Variants in LINGO2 observed in about 807,000 individuals in gnomAD.
LINGO2 encodes the protein leucine rich repeat and Ig domain containing 2, also known as leucine-rich repeat and immunoglobulin-like domain-containing nogo receptor-interacting protein 2.
A neutral mutation model predicts 30.6 loss-of-function variants in LINGO2; 14 were observed. That is an observed-to-expected ratio of 0.46 (90% confidence interval 0.30 to 0.72). The LOEUF (loss-of-function observed/expected upper bound fraction) is 0.72. Ranked by LOEUF, LINGO2 falls within the 30% of genes least tolerant of loss-of-function variation. The pLI is 0.07. For synonymous variants in LINGO2, 317 were observed against 288.5 expected, an observed-to-expected ratio of 1.10 and a Z score of -1.00; for missense variants, 729 against 751.7, an observed-to-expected ratio of 0.97 and a Z score of 0.35.
chr9:29,174,863 A>G, the LINGO2 span, among the ~76,000 whole-genome samples: 1 of 152,242 alleles, frequency 6.6e-6, no homozygotes, highest in Non-Finnish European at 1.5e-5. Flanking sequence ...CTTTTAGTAT[A>G]TTTTAAAAAT....
intron 2 of LINGO2, among the ~76,000 whole-genome samples, chr9:28,444,429 G>A (rs1036325453): frequency 1.3e-5 from 2 of 152,202 alleles, no homozygotes; most frequent in Non-Finnish European, 2.9e-5. Flanking sequence ...GGGCCAGAAC[G>A]AGGCAGCAGG....
chr9:29,083,603 C>A, the LINGO2 span, among the ~76,000 whole-genome samples: 1 of 151,014 alleles, frequency 6.6e-6, no homozygotes, highest in Non-Finnish European at 1.5e-5. Context: ...AAGAAGAATG[C>A]ACCTGGGGAG....
the LINGO2 span, among the ~76,000 whole-genome samples, chr9:28,915,773 A>G: frequency 1.3e-5 from 2 of 152,210 alleles, no homozygotes; most frequent in Non-Finnish European, 1.5e-5. Flanking sequence ...ACCAAGATAA[A>G]TAAGATATGT....
At chr9:28,229,001 G>C (rs964024431) in intron 4 of LINGO2, among the ~76,000 whole-genome samples, 14 of 151,754 alleles carry the variant, frequency 9.2e-5, no homozygotes, top group African/African-American at 3.4e-4. Flanking sequence ...TAAGCATCCA[G>C]TATTTCCACA....
chr9:28,119,959 A>G lies in LINGO2; in HGVS notation c.-86-107554T>C, dbSNP rs967683083. ...CAGGTTAAAATACTAGAGTTTCTTT[A>G]TTCCCAACATACCTATTGTGGAGAA... On this transcript the variant is annotated intron_variant, in intron 4 of 5. Transcript: ENST00000379992. 5.9e-5 allele frequency among the ~76,000 whole-genome samples: 9 copies of G among 152,328 alleles called. No homozygotes were observed. The East Asian group carries it at 1.7e-3, about 29-fold the overall frequency.
intron 2 of LINGO2, among the ~76,000 whole-genome samples, chr9:28,386,315 G>A (rs1233584340): frequency 2.6e-5 from 4 of 152,162 alleles, no homozygotes; most frequent in Non-Finnish European, 5.9e-5. Flanking sequence ...TTGCAACTAA[G>A]ACACTAAATA....
chr9:29,054,756 C>G, the LINGO2 span, among the ~76,000 whole-genome samples: 2 of 151,944 alleles, frequency 1.3e-5, no homozygotes, highest in African/African-American at 4.8e-5. Context: ...AACATACAAG[C>G]AAGCATGTAA....
Position 28,061,515 on chromosome 9 carries a change from T to A in LINGO2, c.-86-49110A>T, listed in dbSNP as rs369077039. Among the ~76,000 whole-genome samples, 5 of 152,126 alleles carry A rather than the reference T, an allele frequency of 3.3e-5. No homozygotes were observed. In the South Asian group the frequency reaches 1.0e-3, roughly 32 times the overall value. On this transcript the variant is annotated intron_variant, in intron 4 of 5. Coordinates refer to ENST00000379992, the Ensembl canonical transcript of LINGO2. ...ATCACCAGATTCTTTTTTTTTGTTT[T>A]AAGCCTTACACATGATTGTAAATGC...
the LINGO2 span, among the ~76,000 whole-genome samples, chr9:29,105,987 T>C: frequency 1.3e-5 from 2 of 152,200 alleles, no homozygotes; most frequent in Non-Finnish European, 1.5e-5. Flanking sequence ...CAGCTTTTAT[T>C]TGATCCTTAC....
intron 1 of LINGO2, among the ~76,000 whole-genome samples, chr9:28,581,880 TATC>T (rs1370772772): frequency 2.0e-5 from 3 of 152,058 alleles, no homozygotes; most frequent in South Asian, 4.1e-4. Context: ...ATAAGTGTGA[TATC>T]ATCACTGTGC....
chr9:28,181,932 T>G (rs1231118737), intron 4 of LINGO2, among the ~76,000 whole-genome samples: 2 of 152,068 alleles, frequency 1.3e-5, no homozygotes, highest in African/African-American at 4.8e-5. Flanking sequence ...AAACTACCAT[T>G]GACATTCTTC....
rs147104898 is a variant in LINGO2, at chr9:28,049,635, A to C, written c.-86-37230T>G. ...TCAAATCTTATCTAAAAATGCAAAT[A>C]ATTCCATTTATGTCACAAATTGATA... On this transcript the variant is annotated intron_variant, in intron 4 of 5. Coordinates refer to ENST00000379992, the Ensembl canonical transcript of LINGO2. Among the ~76,000 whole-genome samples the C allele has an allele frequency of 1.1e-3, 160 of 150,894 alleles. 1 individual carries two copies. The highest frequency in any genetic ancestry group is 1.8e-3 in the Non-Finnish European group (124 of 67,884).
At chr9:28,002,872 G>A (rs572762594) in intron 5 of LINGO2, among the ~76,000 whole-genome samples, 43 of 152,144 alleles carry the variant, frequency 2.8e-4, no homozygotes, top group Non-Finnish European at 4.7e-4. Context: ...TGTTTCAATC[G>A]TGTGGTGTGT....
At chr9:28,281,087 T>C (rs1370518032) in intron 4 of LINGO2, among the ~76,000 whole-genome samples, 1 of 152,122 alleles carries the variant, frequency 6.6e-6, no homozygotes, top group Non-Finnish European at 1.5e-5. Context: ...TTAGCTGCTT[T>C]AATTTCTTTT....
At chr9:28,586,227 A>T (rs1049629617) in intron 1 of LINGO2, among the ~76,000 whole-genome samples, 2 of 151,978 alleles carry the variant, frequency 1.3e-5, no homozygotes, top group African/African-American at 4.8e-5. Context: ...TTTAGGAATA[A>T]AACAAGTTCT....
chr9:28,406,233 C>G (rs958703638), intron 2 of LINGO2, among the ~76,000 whole-genome samples: 7 of 152,030 alleles, frequency 4.6e-5, no homozygotes, highest in African/African-American at 1.7e-4. Flanking sequence ...GTCAGGAGTT[C>G]AAGACCAGCC....
chr9:27,948,678 T>C (rs1823464781), exon 6 of LINGO2: 2 of 734,672 alleles, frequency 2.7e-6, no homozygotes, highest in Non-Finnish European at 4.6e-6. Flanking sequence ...CATGCCTGCC[T>C]GCCTGCCTTT....
At chr9:28,604,429 A>G (rs1210323298) in intron 1 of LINGO2, among the ~76,000 whole-genome samples, 1 of 152,038 alleles carries the variant, frequency 6.6e-6, no homozygotes, top group African/African-American at 2.4e-5. Context: ...GAGTCTACTG[A>G]AGCAGGGCAA....
the LINGO2 span, among the ~76,000 whole-genome samples, chr9:28,945,660 T>G: frequency 6.6e-6 from 1 of 152,200 alleles, no homozygotes; most frequent in South Asian, 2.1e-4. Context: ...CCTATCGTAC[T>G]GAAGCAGAAT....
Sources: gnomAD v4.1 joint callset for allele counts (sites outside exome capture counted in the v4.1 genomes callset) on GRCh38, gnomAD v4.1.1 for gene constraint, MANE v1.5 for transcripts, NCBI Gene and HGNC (gene_info 2026-07-23, HGNC 2026-07-21) for gene names.